Variants in CD63 observed in about 807,000 individuals in gnomAD.
The protein encoded by CD63 is CD63 molecule, also known as CD63 antigen.
Under a neutral mutation model 29.2 loss-of-function variants are expected in CD63, and 16 were observed. That is an observed-to-expected ratio of 0.55 (90% CI 0.37 to 0.83). The LOEUF is 0.83. Ranked by LOEUF, CD63 falls within the 40% of genes least tolerant of loss-of-function variation. CD63 has a pLI of 0.00. For synonymous variants in CD63, 118 were observed against 111.7 expected (o/e 1.06, Z -0.36); for missense variants, 251 against 297.3 (o/e 0.84, Z 1.15).
At chr12:55,729,575 C>G (rs1001266481), upstream of CD63, 1 of 152,372 alleles carries the variant, frequency 6.6e-6, no homozygotes, top group Non-Finnish European at 1.5e-5. Flanking sequence ...CCCTGGCTCA[C>G]ATCCTGGGTG....
At chr12:55,724,666 A>G, downstream of CD63, 1 of 983,896 alleles carries the variant, frequency 1.0e-6, no homozygotes. Flanking sequence ...GTATTGTTTA[A>G]AAAATAAAAA....
At chr12:55,725,162 A>G (rs1877164814), downstream of CD63, among the ~76,000 whole-genome samples, 1 of 152,196 alleles carries the variant, frequency 6.6e-6, no homozygotes, top group Non-Finnish European at 1.5e-5. Flanking sequence ...TGTCCAAGGC[A>G]GATGGGGGCT....
At position 55,728,140 on chromosome 12, in the gene CD63, G is replaced by A. The variant is rs574452526; in HGVS notation, c.66+136C>T. Reference sequence around the variant, plus strand: ...AGGAAAACTGGAGGAGGGAGTGGCTGCGCTGTCTTTCCCTGGCTTTCTTTC... The same window carrying A: ...AGGAAAACTGGAGGAGGGAGTGGCTACGCTGTCTTTCCCTGGCTTTCTTTC... On this transcript the variant is annotated intron_variant, in intron 2 of 7. Coordinates refer to ENST00000257857, the MANE Select transcript of CD63 (RefSeq NM_001780.6). The surrounding 1 kb of genome is among the most constrained non-coding windows in gnomAD (Gnocchi z 4.8). The A allele has an allele frequency of 2.3e-6, 2 of 875,110 alleles. No homozygotes were observed. The highest frequency in any genetic ancestry group is 3.3e-5 in the African/African-American group (2 of 59,956). The allele number at this position is 875,110 out of a possible 1,614,324, so 54.2% of individuals were successfully genotyped here.
chr12:55,724,364 C>T (rs748586229), downstream of CD63: 17 of 1,614,080 alleles, frequency 1.1e-5, no homozygotes, highest in Admixed American at 6.7e-5. Flanking sequence ...ATCTGTGACC[C>T]GGACCTAACC....
At chr12:55,724,102 G>A, downstream of CD63, 1 of 1,583,996 alleles carries the variant, frequency 6.3e-7, no homozygotes, top group South Asian at 1.1e-5. Flanking sequence ...GTACCAGAAA[G>A]GCCAGTCCTG....
chr12:55,728,650 G>A lies in CD63; in HGVS notation c.-11-298C>T. ...ACCCTCGGCCCGCCAGTCTCCGGGC[G>A]TCAAACACCCTTTCCCCACCCAACA... is the stretch of plus-strand genomic sequence containing the variant. On this transcript the variant is annotated intron_variant, in intron 1 of 7. Coordinates refer to ENST00000257857, the MANE Select transcript of CD63 (RefSeq NM_001780.6). The surrounding 1 kb of genome is among the most constrained non-coding windows in gnomAD (Gnocchi z 4.8). 1 of 1,275,200 alleles carries A rather than the reference G, an allele frequency of 7.8e-7. No individual in the cohort carries two copies. Among genetic ancestry groups the A allele is most frequent in the Non-Finnish European group, 9.9e-7 (1 of 1,005,748 alleles). 79.0% of individuals were successfully genotyped at this position (1,275,200 alleles called of 1,614,324 possible). A position where few individuals can be genotyped will look rare whatever the true frequency, so the allele number is the denominator to read the frequency against.
In CD63 at chr12:55,725,340, GTCC is replaced by G. The variant is rs755836388; in HGVS notation, c.*218_*220del. 1.6e-5 allele frequency: 9 copies of G among 580,532 alleles called. No homozygotes were observed. Among genetic ancestry groups the G allele is most frequent in the Non-Finnish European group, 2.8e-5 (9 of 325,896 alleles). 36.0% of individuals were successfully genotyped at this position (580,532 alleles called of 1,614,324 possible). ...CCTGCCCAACCAACACCTTCGCAAA[GTCC>G]TCCTTTCCCAAACACCCCCCAAAAT... is the stretch of plus-strand genomic sequence containing the variant. On this transcript the variant is annotated 3_prime_UTR_variant, in exon 8 of 8. Coordinates refer to ENST00000257857, the MANE Select transcript of CD63 (RefSeq NM_001780.6).
rs1252173547 is a variant in CD63 at position 55,728,156 on chromosome 12, G to A, written c.66+120C>T. 1 of 977,450 alleles carries A rather than the reference G, an allele frequency of 1.0e-6. No individual in the cohort carries two copies. The highest frequency in any genetic ancestry group is 1.6e-6 in the Non-Finnish European group (1 of 636,078). The allele number at this position is 977,450 out of a possible 1,614,324, so 60.5% of individuals were successfully genotyped here. On this transcript the variant is annotated intron_variant, in intron 2 of 7. Transcript: ENST00000257857. The surrounding 1 kb of genome is among the most constrained non-coding windows in gnomAD (Gnocchi z 4.8). ...GGAGTGGCTGCGCTGTCTTTCCCTG[G>A]CTTTCTTTCCACATCTGGTCTCCAG...
chr12:55,728,324 TC>T lies in CD63; in HGVS notation c.17del (p.Gly6GlufsTer2). On this transcript the variant is annotated frameshift_variant, in exon 2 of 8. Transcript: ENST00000257857. LOFTEE classifies it high-confidence loss of function. This position sits in a 1 kb window ranked among gnomAD's most constrained non-coding sequence, Gnocchi z 4.8. The stretch of plus-strand genomic sequence containing the variant: ...AGAGCAAGAACTTCACACATTTCAT[TC>T]CTCCTTCCACCGCCATGGCTGCCGG... MAVEGGMKCVKFLLYV... is the reference protein window; with the variant it reads MAVEGXMKCVKFLLYV... The T allele has an allele frequency of 1.2e-6, 2 of 1,610,838 alleles. No individual in the cohort carries two copies. The highest frequency in any genetic ancestry group is 1.7e-6 in the Non-Finnish European group (2 of 1,179,238).
upstream of CD63, chr12:55,729,770 G>T (rs568202117): frequency 6.6e-6 from 1 of 152,246 alleles, no homozygotes; most frequent in African/African-American, 2.4e-5. Flanking sequence ...GATTGACAAG[G>T]TCTGTGCTTC....
chr12:55,728,200 C>T lies in CD63; in HGVS notation c.66+76G>A. The T allele has an allele frequency of 7.7e-7, 1 of 1,306,440 alleles. No homozygotes were observed. Among genetic ancestry groups the T allele is most frequent in the Non-Finnish European group, 1.1e-6 (1 of 920,066 alleles). The allele number at this position is 1,306,440 out of a possible 1,614,324, so 80.9% of individuals were successfully genotyped here. On this transcript the variant is annotated intron_variant, in intron 2 of 7. Coordinates refer to ENST00000257857, the MANE Select transcript of CD63 (RefSeq NM_001780.6). This position sits in a 1 kb window ranked among gnomAD's most constrained non-coding sequence, Gnocchi z 4.8. ...TCTCCAGCTGCCTTAATTCTCATTC[C>T]CTCAGCCCTCACCACTGTGGAGCCA...
upstream of CD63, chr12:55,729,687 G>C (rs1366586565): frequency 6.6e-6 from 1 of 152,238 alleles, no homozygotes; most frequent in Non-Finnish European, 1.5e-5. Flanking sequence ...AAAAGGGGAG[G>C]AAGCCCTTCC....
chr12:55,723,698 A>C, downstream of CD63: 1 of 652,512 alleles, frequency 1.5e-6, no homozygotes, highest in Non-Finnish European at 2.7e-6. Context: ...TCTAGATCAA[A>C]GAAAACAAAC....
At chr12:55,727,396 G>C in intron 2 of CD63, 57 bp from the exon 3 acceptor site, 2 of 1,470,378 alleles carry the variant, frequency 1.4e-6, no homozygotes, top group Non-Finnish European at 1.9e-6. Context: ...GCCCTCCATG[G>C]TGGAGGGCAG....
downstream of CD63, chr12:55,724,744 A>C: frequency 2.3e-5 from 15 of 639,420 alleles, no homozygotes; most frequent in Non-Finnish European, 2.5e-5. Context: ...CCAAACCGAC[A>C]TGCTCACGGT....
At position 55,728,982 on chromosome 12, in the gene CD63, C is replaced by G. The variant is rs1877729074; in HGVS notation, c.-41G>C. The G allele has an allele frequency of 2.0e-6, 2 of 985,500 alleles. No individual in the cohort carries two copies. Among genetic ancestry groups the G allele is most frequent in the Non-Finnish European group, 2.4e-6 (2 of 830,076 alleles). 61.0% of individuals were successfully genotyped at this position (985,500 alleles called of 1,614,324 possible). On this transcript the variant is annotated 5_prime_UTR_variant, in exon 1 of 8. Transcript: ENST00000257857. This position sits in a 1 kb window ranked among gnomAD's most constrained non-coding sequence, Gnocchi z 4.8. ...GCTTCCCAAGGCTGGCTGCGCGTTC[C>G]TCTCCCGCCGCGGCTCCGGGGCTCT...
Position 55,728,374 on chromosome 12 carries a change from G to A in CD63, c.-11-22C>T, listed in dbSNP as rs762124065. ...GGGCCTGGGGCAGAGGGGAGGGCGGGGGGATTAAAACTGGCCGAAGGGGGA... is the reference window on the plus strand; with the variant it reads ...GGGCCTGGGGCAGAGGGGAGGGCGGAGGGATTAAAACTGGCCGAAGGGGGA... On this transcript the variant is annotated intron_variant, in intron 1 of 7. Coordinates refer to ENST00000257857, the MANE Select transcript of CD63 (RefSeq NM_001780.6). This position sits in a 1 kb window ranked among gnomAD's most constrained non-coding sequence, Gnocchi z 4.8. The A allele has an allele frequency of 2.3e-5, 37 of 1,598,708 alleles. No individual in the cohort carries two copies. Among genetic ancestry groups the A allele is most frequent in the Non-Finnish European group, 2.9e-5 (34 of 1,173,622 alleles).
chr12:55,727,481 G>T, intron 2 of CD63, 142 bp from the exon 3 acceptor site: 1 of 1,188,984 alleles, frequency 8.4e-7, no homozygotes, highest in Non-Finnish European at 1.1e-6. Context: ...TTCTTTGGCT[G>T]TGGGGTAGGG....
chr12:55,726,334 CTTTTTTTTTTT>C lies in CD63; in HGVS notation c.427-84_427-74del, dbSNP rs777731653. The stretch of plus-strand genomic sequence containing the variant: ...CACCTTCAATATGGAGATGAGAATT[CTTTTTTTTTTT>C]TTTTTTTTTTTTTTGAGACAGAGAC... On this transcript the variant is annotated intron_variant, in intron 5 of 7. Coordinates refer to ENST00000257857, the MANE Select transcript of CD63 (RefSeq NM_001780.6). The C allele has an allele frequency of 8.7e-5, 25 of 288,122 alleles. No individual in the cohort carries two copies. The East Asian group carries it at 1.7e-3, about 19-fold the overall frequency. The allele number at this position is 288,122 out of a possible 1,614,324, so 17.8% of individuals were successfully genotyped here.
Sources: allele counts gnomAD v4.1 joint callset (sites outside exome capture counted in the v4.1 genomes callset), GRCh38; gene constraint gnomAD v4.1.1; non-coding constraint Gnocchi (gnomAD v3.1); transcripts MANE v1.5; gene names NCBI Gene and HGNC (gene_info 2026-07-23, HGNC 2026-07-21).